Variants in ZNF462 observed in about 807,000 individuals in gnomAD.
ZNF462 encodes the protein zinc finger PBX1-interacting protein.
A neutral mutation model predicts 201.9 loss-of-function variants in ZNF462; 10 were observed. The observed-to-expected ratio is 0.05, with a 90% CI of 0.03 to 0.08. ZNF462 has a LOEUF of 0.08. Ranked by LOEUF, ZNF462 falls within the 10% of genes least tolerant of loss-of-function variation. The pLI is 1.00. For missense variants in ZNF462, 2,523 were observed against 3,168.3 expected, an observed-to-expected ratio of 0.80 and a Z score of 4.89; for synonymous variants, 1,227 against 1,193.3, an observed-to-expected ratio of 1.03 and a Z score of -0.58.
At chr9:106,971,375 A>AAAAAAC (rs1554713163) in intron 7 of ZNF462, among the ~76,000 whole-genome samples, 4,622 of 151,234 alleles carry the variant, frequency 0.031, 252 homozygotes, top group African/African-American at 0.11. Flanking sequence ...TTAAAAAAAA[A>AAAAAAC]AACAACAACA....
intron 7 of ZNF462, among the ~76,000 whole-genome samples, chr9:106,953,657 CTT>C (rs1456596959): frequency 2.0e-5 from 3 of 152,258 alleles, no homozygotes; most frequent in African/African-American, 7.2e-5. Flanking sequence ...CTCTCTCTCT[CTT>C]TACAGATATA....
chr9:106,935,247 A>C lies in ZNF462; in HGVS notation c.6117-256A>C, dbSNP rs1378489834. On this transcript the variant is annotated intron_variant, in intron 5 of 12. Transcript: ENST00000277225. The surrounding 1 kb of genome is among the most constrained non-coding windows in gnomAD (Gnocchi z 4.1). ...CTAAGAAGGGACAATAAAGATTCTT[A>C]CCATGACCTGTTACCACTGCCATAT... is the stretch of plus-strand genomic sequence containing the variant. 6.6e-6 allele frequency among the ~76,000 whole-genome samples: 1 copy of C among 152,136 alleles called. No individual in the cohort carries two copies. The highest frequency in any genetic ancestry group is 1.5e-5 in the Non-Finnish European group (1 of 68,036).
rs1828259892 is a variant in ZNF462 at position 106,885,037 on chromosome 9, TG to T, written c.-31+21683del. Among the ~76,000 whole-genome samples, 1 of 152,232 alleles carries T rather than the reference TG, an allele frequency of 6.6e-6. No individual in the cohort carries two copies. The highest frequency in any genetic ancestry group is 1.5e-5 in the Non-Finnish European group (1 of 68,048). Reference sequence around the variant, plus strand: ...AGGTTAAGATTCTGCTTCAAAGCAATGTATGTGTTCAACATAACCTTTCTAG... The same window carrying T: ...AGGTTAAGATTCTGCTTCAAAGCAATTATGTGTTCAACATAACCTTTCTAG... On this transcript the variant is annotated intron_variant, in intron 1 of 12. Coordinates refer to ENST00000277225, the MANE Select transcript of ZNF462 (RefSeq NM_021224.6). The surrounding 1 kb of genome is among the most constrained non-coding windows in gnomAD (Gnocchi z 4.1).
chr9:106,868,727 G>A (rs1409251097), intron 1 of ZNF462, among the ~76,000 whole-genome samples: 2 of 152,116 alleles, frequency 1.3e-5, no homozygotes, highest in Admixed American at 1.3e-4. Context: ...ACCGAGCCAG[G>A]CCTAGAACTC....
chr9:106,867,652 A>T (rs532411925), intron 1 of ZNF462, among the ~76,000 whole-genome samples: 2 of 152,010 alleles, frequency 1.3e-5, no homozygotes, highest in Admixed American at 1.3e-4. Context: ...ATCCAACTCT[A>T]CTAATGGACT....
intron 7 of ZNF462, among the ~76,000 whole-genome samples, chr9:106,956,332 G>A (rs1403101480): frequency 6.6e-6 from 1 of 152,100 alleles, no homozygotes; most frequent in Non-Finnish European, 1.5e-5. Flanking sequence ...GTAACATTTT[G>A]AAAGGAATCT....
chr9:106,927,204 T>TCGCCCCCCC lies in ZNF462; in HGVS notation c.3293_3294insGCCCCCCCC (p.Pro1100_Pro1102dup). 6.4e-7 allele frequency: 1 copy of TCGCCCCCCC among 1,570,642 alleles called. No individual in the cohort carries two copies. The highest frequency in any genetic ancestry group is 8.7e-7 in the Non-Finnish European group (1 of 1,149,988). On this transcript the variant is annotated inframe_insertion, in exon 3 of 13. Transcript: ENST00000277225. ...GTCTCCCAAAATGTCCAACATGGGT[T>TCGCCCCCCC]CCCCACCCCCCCCACAACCCCCGCC...
At chr9:106,971,194 G>A (rs944318948) in intron 7 of ZNF462, among the ~76,000 whole-genome samples, 16 of 151,894 alleles carry the variant, frequency 1.1e-4, no homozygotes, top group Admixed American at 1.0e-3. Flanking sequence ...GTTAAAGACT[G>A]ATTTTTTTTT....
chr9:107,001,901 C>G (rs1427483846), intron 10 of ZNF462, among the ~76,000 whole-genome samples: 1 of 152,070 alleles, frequency 6.6e-6, no homozygotes, highest in African/African-American at 2.4e-5. Context: ...TATTGTTTCT[C>G]CTGTTTTAAA....
Position 106,924,363 on chromosome 9 carries a change from A to G in ZNF462, c.451A>G (p.Asn151Asp), listed in dbSNP as rs1010480511. The G allele has an allele frequency of 1.2e-6, 2 of 1,614,174 alleles. No individual in the cohort carries two copies. The highest frequency in any genetic ancestry group is 8.5e-7 in the Non-Finnish European group (1 of 1,180,034). Residue 151 changes from asparagine (N) to aspartate (D), a missense_variant, in exon 3 of 13, where the codon AAT becomes GAT. By Grantham distance (23) the Asn-to-Asp change is conservative. Transcript: ENST00000277225. The surrounding 1 kb of genome is among the most constrained non-coding windows in gnomAD (Gnocchi z 6.2). The stretch of plus-strand genomic sequence containing the variant: ...CCCTGTCCCGGGATCCTTAAATTAT[A>G]ATATCATGATGCACGAGGGATTTGG... ...GPPVPGSLNY[N>D]IMMHEGFGKV...
chr9:106,885,711 A>G lies in ZNF462; in HGVS notation c.-31+22356A>G, dbSNP rs1828286631. 6.6e-6 allele frequency among the ~76,000 whole-genome samples: 1 copy of G among 152,182 alleles called. No homozygotes were observed. The highest frequency in any genetic ancestry group is 2.1e-4 in the South Asian group (1 of 4,828). On this transcript the variant is annotated intron_variant, in intron 1 of 12. Transcript: ENST00000277225. This position sits in a 1 kb window ranked among gnomAD's most constrained non-coding sequence, Gnocchi z 4.1. ...CCCCAGCAGAACTCAGCATTAGGTC[A>G]CCCTTTAGGCGTATGGTGCAGAGCT...
chr9:106,974,344 TC>T lies in ZNF462; in HGVS notation c.6832+72del, dbSNP rs1346229991. ...AGCAGAGATGGCCTTCTAGGGATGC[TC>T]TCTCAGAGTGGCAGTAGCACCTGTG... On this transcript the variant is annotated intron_variant, in intron 9 of 12. Transcript: ENST00000277225. The surrounding 1 kb of genome is among the most constrained non-coding windows in gnomAD (Gnocchi z 4.0). 1.9e-6 allele frequency: 3 copies of T among 1,603,990 alleles called. No individual in the cohort carries two copies. The East Asian group carries it at 6.7e-5, about 36-fold the overall frequency.
At chr9:106,942,485 A>G (rs1177798475) in intron 7 of ZNF462, among the ~76,000 whole-genome samples, 1 of 152,188 alleles carries the variant, frequency 6.6e-6, no homozygotes, top group African/African-American at 2.4e-5. Flanking sequence ...TTGGAAAGAA[A>G]AGCAACGGCT....
At chr9:106,936,089 A>C (rs996343921) in intron 6 of ZNF462, among the ~76,000 whole-genome samples, 7 of 152,270 alleles carry the variant, frequency 4.6e-5, no homozygotes, top group Non-Finnish European at 8.8e-5. Context: ...CATAAGACAG[A>C]AATGACTTTG....
chr9:106,986,976 CATAGATAGATAGATAGATAGATAGATAG>C (rs55877241), intron 10 of ZNF462, among the ~76,000 whole-genome samples: 7 of 143,338 alleles, frequency 4.9e-5, no homozygotes, highest in Non-Finnish European at 7.6e-5. Context: ...AGTATTCCAT[CATAGATAGATAGATAGATAGATAGATAG>C]ATAGATAGAT....
At chr9:106,898,159 C>T (rs1162689082) in intron 1 of ZNF462, among the ~76,000 whole-genome samples, 2 of 152,194 alleles carry the variant, frequency 1.3e-5, no homozygotes, top group African/African-American at 4.8e-5. Context: ...GGAGGAAGAA[C>T]TCCAAATAGA....
At chr9:106,899,237 T>G (rs1356978131) in intron 1 of ZNF462, among the ~76,000 whole-genome samples, 6 of 32,132 alleles carry the variant, frequency 1.9e-4, no homozygotes, top group Admixed American at 5.0e-4. Context: ...TGTGTGTGTG[T>G]GTGGGGGGGG....
rs770686297 is a variant in ZNF462, at chr9:106,927,554, G to A, written c.3642G>A (p.Lys1214=). 1.4e-5 allele frequency: 23 copies of A among 1,613,772 alleles called. No homozygotes were observed. In the African/African-American group the frequency reaches 3.1e-4, roughly 22 times the overall value. ...AAGGGGTACTCATTCATTATCAGAA[G>A]AAGCACCGAGACTTCAAGGCCAATG... ...TVKGVLIHYQ[K]KHRDFKANAD... is the part of the protein sequence containing the mutation. The change falls in exon 3 of 13, where the codon AAG becomes AAA. Residue 1214 remains lysine, a synonymous_variant. Transcript: ENST00000277225.
At chr9:106,922,100 T>C (rs1370280686) in intron 1 of ZNF462, among the ~76,000 whole-genome samples, 1 of 152,202 alleles carries the variant, frequency 6.6e-6, no homozygotes, top group African/African-American at 2.4e-5. Context: ...ACTGGACTTT[T>C]TTGTTCCTGC....
Sources: allele counts gnomAD v4.1 joint callset (sites outside exome capture counted in the v4.1 genomes callset), GRCh38; gene constraint gnomAD v4.1.1; non-coding constraint Gnocchi (gnomAD v3.1); transcripts MANE v1.5; gene names NCBI Gene and HGNC (gene_info 2026-07-23, HGNC 2026-07-21).